Variants in CATIP observed in about 807,000 individuals in gnomAD.
CATIP encodes the protein ciliogenesis associated TTC17 interacting protein, also known as ciliogenesis-associated TTC17-interacting protein.
CATIP carries 40 observed loss-of-function variants against 42.5 expected under a neutral mutation model. The ratio of observed to expected loss-of-function variants is 0.94; its 90% CI spans 0.73 to 1.22. CATIP has a LOEUF of 1.22. Ranked by LOEUF, CATIP falls within the 50% of genes most tolerant of loss-of-function variation. CATIP has a pLI of 0.00. For missense variants in CATIP, 489 were observed against 496.0 expected, an observed-to-expected ratio of 0.99 and a Z score of 0.13; for synonymous variants, 222 against 200.2, an observed-to-expected ratio of 1.11 and a Z score of -0.92.
intron 7 of CATIP, 78 bp downstream of exon 7, chr2:218,364,830 A>G: frequency 6.7e-7 from 1 of 1,493,782 alleles, no homozygotes; most frequent in Non-Finnish European, 9.1e-7. Context: ...TTCTGGGGAT[A>G]GCACCAGGAA....
At chr2:218,366,976 A>C (rs1443688197) in intron 7 of CATIP, 48 bp from the exon 8 acceptor site, 2 of 1,392,504 alleles carry the variant, frequency 1.4e-6, no homozygotes, top group African/African-American at 2.8e-5. Context: ...AGTCCATAGC[A>C]GGCGGTCTGG....
chr2:218,367,513 C>T lies in CATIP; in HGVS notation c.916C>T (p.Arg306Trp). 1.2e-6 allele frequency: 2 copies of T among 1,614,102 alleles called. No individual in the cohort carries two copies. Among genetic ancestry groups the T allele is most frequent in the African/African-American group, 1.3e-5 (1 of 75,034 alleles). The change falls in exon 9 of 10, where the codon CGG becomes TGG. Residue 306 changes from arginine (R) to tryptophan (W), a missense_variant. Transcript: ENST00000289388. ...GGAGCTCTATTCGAAGTTCCTGGAC[C>T]GGAAGGTGAGGGGAGGCTCCACCAG... ...DMELYSKFLD[R>W]KEELRLGHAS...
rs567461257 is a variant in CATIP, at chr2:218,366,901, C to T, written c.756-123C>T. The T allele has an allele frequency of 2.2e-3, 1,617 of 749,722 alleles. 32 individuals are homozygous for T. In the South Asian group the frequency reaches 0.023, roughly 11 times the overall value. The allele number at this position is 749,722 out of a possible 1,614,324, so 46.4% of individuals were successfully genotyped here. A position where few individuals can be genotyped will look rare whatever the true frequency, so the allele number is the denominator to read the frequency against. On this transcript the variant is annotated intron_variant, in intron 7 of 9. Transcript: ENST00000289388. ...CCCCACCCTTATGACTGCATGTAAA[C>T]GTAATGACCTCCCCAAAGCCCCTAC...
chr2:218,357,849 C>A, intron 3 of CATIP, 115 bp downstream of exon 3: 2 of 1,227,422 alleles, frequency 1.6e-6, no homozygotes, highest in Non-Finnish European at 2.4e-6. Context: ...TGGACCAGGA[C>A]AAGGCACGGG....
At chr2:218,357,771 C>T in intron 3 of CATIP, 37 bp downstream of exon 3, 1 of 1,572,866 alleles carries the variant, frequency 6.4e-7, no homozygotes, top group South Asian at 1.1e-5. Context: ...TCACTCTCCC[C>T]TTCCTCCAAC....
Position 218,362,749 on chromosome 2 carries a change from A to T in CATIP, c.477A>T (p.Gly159=), listed in dbSNP as rs1695278967. The part of the protein sequence containing the change: ...SIKEGEEVKT[G]VTSFPWSSIK... ...GTTCTGAACAGGAAGTGAAGACTGG[A>T]GTGACTTCTTTCCCCTGGAGCTCAA... Residue 159 remains glycine, a synonymous_variant, in exon 6 of 10, where the codon GGA becomes GGT. Transcript: ENST00000289388. The T allele has an allele frequency of 6.2e-7, 1 of 1,613,908 alleles. No homozygotes were observed. Among genetic ancestry groups the T allele is most frequent in the Non-Finnish European group, 8.5e-7 (1 of 1,179,968 alleles).
Position 218,367,083 on chromosome 2 carries a change from C to T in CATIP, c.815C>T (p.Pro272Leu). ...GGGTGCTGCATCATCACCAAGATGC[C>T]CATCTTGAGGGAAGAGGGTGAGTGA... ...SPGCCIITKMPILREEDEIEP... is the reference protein window; with the variant it reads ...SPGCCIITKMLILREEDEIEP... The change falls in exon 8 of 10, where the codon CCC becomes CTC. Residue 272 changes from proline to leucine, a missense_variant. By Grantham distance (98) the Pro-to-Leu change is moderately conservative (BLOSUM62 -3). Coordinates refer to ENST00000289388, the MANE Select transcript of CATIP (RefSeq NM_198559.2). The T allele has an allele frequency of 2.5e-6, 4 of 1,612,804 alleles. No individual in the cohort carries two copies. The highest frequency in any genetic ancestry group is 3.4e-6 in the Non-Finnish European group (4 of 1,178,872).
chr2:218,362,082 G>A (rs1220652246), intron 5 of CATIP, among the ~76,000 whole-genome samples: 2 of 152,122 alleles, frequency 1.3e-5, no homozygotes, highest in East Asian at 3.9e-4. Context: ...GGCCAGGCGT[G>A]TGGTGACTCA....
chr2:218,356,951 C>T (rs746819367), intron 1 of CATIP, 42 bp downstream of exon 1: 3 of 1,611,890 alleles, frequency 1.9e-6, no homozygotes, highest in Non-Finnish European at 1.7e-6. Flanking sequence ...GGATCCTCTT[C>T]TTTCTTCCCA....
At position 218,356,895 on chromosome 2, in the gene CATIP, A is replaced by G. The variant is rs1273991827; in HGVS notation, c.11A>G (p.Lys4Arg). The G allele has an allele frequency of 1.2e-6, 2 of 1,613,982 alleles. No individual in the cohort carries two copies. The highest frequency in any genetic ancestry group is 1.1e-5 in the South Asian group (1 of 91,086). ...AGGCAGGCCCACAGCATGTCCTCCA[A>G]GGTTTACTCCACAGGTGGGAAGAGG... MSS[K>R]VYSTGSRAKD... Residue 4 changes from lysine (K) to arginine (R), a missense_variant, in exon 1 of 10, where the codon AAG (lysine) becomes AGG (arginine). By Grantham distance (26) the Lys-to-Arg change is conservative. Transcript: ENST00000289388.
At chr2:218,361,247 G>A (rs1370697406) in intron 5 of CATIP, among the ~76,000 whole-genome samples, 2 of 151,978 alleles carry the variant, frequency 1.3e-5, no homozygotes, top group African/African-American at 2.4e-5. Context: ...GGTGGCAGGC[G>A]CCTGTAGTCC....
intron 7 of CATIP, 40 bp downstream of exon 7, chr2:218,364,792 C>G (rs373230182): frequency 8.8e-6 from 14 of 1,588,054 alleles, no homozygotes; most frequent in South Asian, 4.6e-5. Flanking sequence ...TGGTGCTGAG[C>G]TTGTAGGTGC....
intron 7 of CATIP, among the ~76,000 whole-genome samples, chr2:218,365,004 A>G (rs994917930): frequency 2.6e-5 from 4 of 152,190 alleles, no homozygotes; most frequent in Non-Finnish European, 5.9e-5. Flanking sequence ...TGTAAGGGAT[A>G]ATACTGAAAA....
At chr2:218,366,604 C>T (rs1461347175) in intron 7 of CATIP, 1 of 242,960 alleles carries the variant, frequency 4.1e-6, no homozygotes, top group Non-Finnish European at 8.2e-6. Context: ...ACAGGTCTCT[C>T]AAGGGGCACT....
At position 218,357,106 on chromosome 2, in the gene CATIP, A is replaced by C. The variant is rs754006765; in HGVS notation, c.37A>C (p.Lys13Gln). The C allele has an allele frequency of 6.2e-7, 1 of 1,613,390 alleles. No homozygotes were observed. The highest frequency in any genetic ancestry group is 1.1e-5 in the South Asian group (1 of 91,020). Residue 13 changes from lysine to glutamine, a missense_variant, in exon 2 of 10, where the codon AAG (lysine) becomes CAG (glutamine). Transcript: ENST00000289388. ...SKVYSTGSRA[K>Q]DHQPSGPECL... ...TCATCCCTCTGTAGGCTCCAGAGCTAAGGACCACCAGCCCTCGGGTCCGGA... is the reference window on the plus strand; with the variant it reads ...TCATCCCTCTGTAGGCTCCAGAGCTCAGGACCACCAGCCCTCGGGTCCGGA...
At chr2:218,364,130 A>C (rs1695337005) in intron 6 of CATIP, among the ~76,000 whole-genome samples, 1 of 152,214 alleles carries the variant, frequency 6.6e-6, no homozygotes. Flanking sequence ...GACATGAACA[A>C]GCACAATCCA....
At chr2:218,357,292 C>CTCTCTCTCTCTCTCTCTCTCTTT (rs1411311766) in intron 2 of CATIP, 105 bp downstream of exon 2, 1 of 367,930 alleles carries the variant, frequency 2.7e-6, no homozygotes, top group African/African-American at 5.5e-5. Flanking sequence ...TCTCTCTCTT[C>CTCTCTCTCTCTCTCTCTCTCTTT]CTTGATTCTC....
At chr2:218,363,061 TTGTC>T (rs901145781) in intron 6 of CATIP, among the ~76,000 whole-genome samples, 159 bp downstream of exon 6, 4 of 152,188 alleles carry the variant, frequency 2.6e-5, no homozygotes, top group African/African-American at 7.2e-5. Flanking sequence ...GAAAGCATGT[TTGTC>T]TGGGAGTGTG....
intron 5 of CATIP, among the ~76,000 whole-genome samples, chr2:218,361,284 G>A (rs1695225764): frequency 6.6e-6 from 1 of 151,862 alleles, no homozygotes; most frequent in Admixed American, 6.6e-5. Context: ...TGAGGCAGGA[G>A]AACGGCGTGA....
Sources: gnomAD v4.1 joint callset for allele counts (sites outside exome capture counted in the v4.1 genomes callset) on GRCh38, gnomAD v4.1.1 for gene constraint, MANE v1.5 for transcripts, NCBI Gene and HGNC (gene_info 2026-07-23, HGNC 2026-07-21) for gene names.